NTN1: variants seen among roughly 807,000 people sequenced by gnomAD.
The protein encoded by NTN1 is netrin-1.
A neutral mutation model predicts 54.2 loss-of-function variants in NTN1; 11 were observed. That is an observed-to-expected ratio of 0.20 (90% CI 0.13 to 0.34). NTN1 has a LOEUF of 0.34. NTN1 is among the 10% of genes least tolerant of loss of function. The pLI, the probability that NTN1 is intolerant of heterozygous loss-of-function variation, is 1.00. For synonymous variants in NTN1, 371 were observed against 382.0 expected, an observed-to-expected ratio of 0.97 and a Z score of 0.33; for missense variants, 740 against 893.1, an observed-to-expected ratio of 0.83 and a Z score of 2.18.
chr17:9,098,370 C>T (rs1378235447), intron 2 of NTN1, among the ~76,000 whole-genome samples: 2 of 152,208 alleles, frequency 1.3e-5, no homozygotes, highest in African/African-American at 2.4e-5. Flanking sequence ...GTCTGGAGAG[C>T]GCTGTTCACA....
chr17:9,048,627 C>A (rs1171251948), intron 2 of NTN1, among the ~76,000 whole-genome samples: 1 of 152,038 alleles, frequency 6.6e-6, no homozygotes, highest in African/African-American at 2.4e-5. Flanking sequence ...TTTGTCTACA[C>A]TGAAAATCTG....
intron 6 of NTN1, among the ~76,000 whole-genome samples, chr17:9,237,853 C>A (rs571102944): frequency 2.6e-5 from 4 of 152,182 alleles, no homozygotes; most frequent in South Asian, 2.1e-4. Context: ...GGGCTCCCCC[C>A]ACCCAGAGTT....
At chr17:9,217,795 AT>A (rs1335423054) in intron 5 of NTN1, among the ~76,000 whole-genome samples, 1 of 148,944 alleles carries the variant, frequency 6.7e-6, no homozygotes, top group Non-Finnish European at 1.5e-5. Flanking sequence ...CATAGGGGAC[AT>A]TTTGCAACAA....
intron 2 of NTN1, among the ~76,000 whole-genome samples, chr17:9,068,488 TTATG>T (rs2092022466): frequency 6.6e-6 from 1 of 151,440 alleles, no homozygotes; most frequent in Non-Finnish European, 1.5e-5. Context: ...CCTGGCCAGA[TTATG>T]TGTGTGTGTG....
intron 2 of NTN1, among the ~76,000 whole-genome samples, chr17:9,044,107 T>C (rs1341543013): frequency 6.6e-6 from 1 of 152,202 alleles, no homozygotes; most frequent in Non-Finnish European, 1.5e-5. Context: ...TTACAATGAC[T>C]GTGTCATTGT....
intron 2 of NTN1, among the ~76,000 whole-genome samples, chr17:9,057,617 T>C (rs2091983444): frequency 6.6e-6 from 1 of 152,230 alleles, no homozygotes; most frequent in Non-Finnish European, 1.5e-5. Flanking sequence ...CTTGTTTTTA[T>C]AAAATTCATC....
chr17:9,097,641 A>C (rs1192733006), intron 2 of NTN1, among the ~76,000 whole-genome samples: 1 of 152,112 alleles, frequency 6.6e-6, no homozygotes, highest in Non-Finnish European at 1.5e-5. Context: ...AAAAAAGAAA[A>C]ACAAAAAAAC....
At chr17:9,204,082 G>A (rs1160329362) in intron 5 of NTN1, among the ~76,000 whole-genome samples, 1 of 152,162 alleles carries the variant, frequency 6.6e-6, no homozygotes, top group African/African-American at 2.4e-5. Context: ...TGGCAGTCCT[G>A]TCCAGTCCTA....
intron 2 of NTN1, among the ~76,000 whole-genome samples, chr17:9,053,578 G>A (rs999112156): frequency 1.4e-4 from 21 of 152,206 alleles, no homozygotes; most frequent in African/African-American, 5.1e-4. Flanking sequence ...CAGCAGATTC[G>A]GATTCCCTGG....
At chr17:9,076,576 A>G (rs1187493832) in intron 2 of NTN1, among the ~76,000 whole-genome samples, 3 of 151,954 alleles carry the variant, frequency 2.0e-5, no homozygotes, top group South Asian at 2.1e-4. Context: ...GGGTCTCTCT[A>G]TGTTGCTCAG....
chr17:9,026,160 G>T (rs186571345), intron 2 of NTN1, among the ~76,000 whole-genome samples: 10 of 151,746 alleles, frequency 6.6e-5, no homozygotes, highest in African/African-American at 1.9e-4. Context: ...CCACCCTCCC[G>T]CAAAGAAAAC....
intron 2 of NTN1, among the ~76,000 whole-genome samples, chr17:9,157,230 C>T (rs564961652): frequency 1.6e-4 from 25 of 152,372 alleles, no homozygotes; most frequent in African/African-American, 5.8e-4. Flanking sequence ...AGAGAATTTT[C>T]TGACATGAGT....
intron 2 of NTN1, among the ~76,000 whole-genome samples, chr17:9,098,260 G>A (rs1244090235): frequency 6.6e-6 from 1 of 152,186 alleles, no homozygotes; most frequent in African/African-American, 2.4e-5. Context: ...TTTATTCTCA[G>A]TTTCCTTATC....
chr17:9,055,368 G>A (rs896783485), intron 2 of NTN1, among the ~76,000 whole-genome samples: 3 of 152,164 alleles, frequency 2.0e-5, no homozygotes, highest in African/African-American at 7.2e-5. Flanking sequence ...GGCCATCTCT[G>A]CTCTCAAAAA....
At chr17:9,052,119 C>T (rs900755423) in intron 2 of NTN1, among the ~76,000 whole-genome samples, 3 of 151,996 alleles carry the variant, frequency 2.0e-5, no homozygotes, top group Non-Finnish European at 4.4e-5. Flanking sequence ...ATTACAGGCA[C>T]GCGCCACCAT....
chr17:9,230,281 G>C (rs866747731), intron 6 of NTN1, among the ~76,000 whole-genome samples: 2 of 152,118 alleles, frequency 1.3e-5, no homozygotes, highest in African/African-American at 4.8e-5. Context: ...CCCAGAGGCA[G>C]CTGATGTGAT....
At chr17:9,018,089 C>T (rs930300118), upstream of NTN1, among the ~76,000 whole-genome samples, 3 of 152,032 alleles carry the variant, frequency 2.0e-5, no homozygotes, top group Admixed American at 6.5e-5. Flanking sequence ...TTGGAATGGA[C>T]GTAGAGGAGT....
At chr17:9,182,992 C>T in intron 5 of NTN1, 23 bp downstream of exon 5, 1 of 1,591,590 alleles carries the variant, frequency 6.3e-7, no homozygotes, top group Non-Finnish European at 8.6e-7. Flanking sequence ...CTTCGCTTCT[C>T]ATTTCCCGCT....
Position 9,022,668 on chromosome 17 carries a change from C to G in NTN1, c.295C>G (p.Pro99Ala). The change falls in exon 2 of 7, where the codon CCC (proline) becomes GCC (alanine). Residue 99 changes from proline (P) to alanine (A), a missense_variant. By Grantham distance (27) the Pro-to-Ala change is conservative. Coordinates refer to ENST00000173229, the MANE Select transcript of NTN1 (RefSeq NM_004822.3). ...GTGCCACCTCTGCAACGCGTCCGAC[C>G]CCAAGAAGGCGCACCCGCCCGCCTT... Reference protein sequence around the residue: ...RSCHLCNASDPKKAHPPAFLT... With the variant: ...RSCHLCNASDAKKAHPPAFLT... The G allele has an allele frequency of 1.9e-6, 3 of 1,574,778 alleles. No homozygotes were observed. Among genetic ancestry groups the G allele is most frequent in the Non-Finnish European group, 2.6e-6 (3 of 1,161,692 alleles).
Sources: allele counts gnomAD v4.1 joint callset (sites outside exome capture counted in the v4.1 genomes callset), GRCh38; gene constraint gnomAD v4.1.1; transcripts MANE v1.5; gene names NCBI Gene and HGNC (gene_info 2026-07-23, HGNC 2026-07-21).